ABCC12: variants seen among roughly 807,000 people sequenced by gnomAD.
ABCC12 encodes the protein ATP binding cassette subfamily C member 12.
ABCC12 carries 142 observed loss-of-function variants against 151.1 expected under a neutral mutation model. The observed-to-expected ratio is 0.94, with a 90% CI of 0.82 to 1.08. The LOEUF (loss-of-function observed/expected upper bound fraction) is 1.08, where lower values mean the gene tolerates loss of function less well. ABCC12 is among the 50% of genes least tolerant of loss of function. The probability of loss-of-function intolerance (pLI) is 0.00; values close to 1 mark genes in which losing one functional copy is unlikely to be tolerated. For synonymous variants in ABCC12, 645 were observed against 646.4 expected (o/e 1.00, Z 0.03); for missense variants, 1,638 against 1,691.1 (o/e 0.97, Z 0.55).
intron 18 of ABCC12, among the ~76,000 whole-genome samples, chr16:48,110,692 A>G (rs1476352503): frequency 1.3e-5 from 2 of 152,000 alleles, no homozygotes; most frequent in Non-Finnish European, 2.9e-5. Flanking sequence ...CCTTCTCACC[A>G]CAGTGTCCCC....
At chr16:48,117,192 C>A in intron 14 of ABCC12, 69 bp downstream of exon 14, 1 of 1,462,370 alleles carries the variant, frequency 6.8e-7, no homozygotes, top group Non-Finnish European at 9.3e-7. Flanking sequence ...TTGCTGGCCT[C>A]AGCCCTTTGG....
intron 18 of ABCC12, among the ~76,000 whole-genome samples, chr16:48,110,221 C>A (rs1041414110): frequency 1.3e-5 from 2 of 152,068 alleles, no homozygotes; most frequent in African/African-American, 4.8e-5. Context: ...CTCATCGATT[C>A]GAAGGCTCAC....
Position 48,128,702 on chromosome 16 carries a change from G to A in ABCC12, c.1272C>T (p.Ile424=). The A allele has an allele frequency of 6.2e-7, 1 of 1,613,980 alleles. No homozygotes were observed. Among genetic ancestry groups the A allele is most frequent in the Non-Finnish European group, 8.5e-7 (1 of 1,179,996 alleles). ...ILIDKSPPSY[I]TQPEDPDTVL... is the part of the protein sequence containing the mutation. ...CAGTATCTGGGTCTTCTGGTTGGGT[G>A]ATGTAAGATGGGGGGCTTTTATCTA... The change falls in exon 11 of 31, where the codon ATC becomes ATT. Residue 424 remains isoleucine (I), a synonymous_variant. Transcript: ENST00000311303.
intron 25 of ABCC12, among the ~76,000 whole-genome samples, chr16:48,089,715 T>C (rs1367601202): frequency 6.6e-6 from 1 of 152,226 alleles, no homozygotes; most frequent in African/African-American, 2.4e-5. Flanking sequence ...AAAAATATTT[T>C]AGAGAAATGA....
At chr16:48,143,111 A>T (rs1039965283) in intron 4 of ABCC12, among the ~76,000 whole-genome samples, 2 of 152,242 alleles carry the variant, frequency 1.3e-5, no homozygotes, top group African/African-American at 2.4e-5. Context: ...CATTAGGATC[A>T]ACCTAAATAT....
chr16:48,125,827 T>C (rs984167944), intron 11 of ABCC12, among the ~76,000 whole-genome samples: 3 of 152,080 alleles, frequency 2.0e-5, no homozygotes, highest in Non-Finnish European at 4.4e-5. Context: ...TTAAACAAGG[T>C]CTTTGCTGAA....
chr16:48,092,756 AT>A (rs1962953697), intron 24 of ABCC12, among the ~76,000 whole-genome samples: 1 of 152,154 alleles, frequency 6.6e-6, no homozygotes. Context: ...AAGCAGGTTG[AT>A]GTGGGAGAGG....
chr16:48,107,170 G>T, intron 20 of ABCC12, 152 bp downstream of exon 20: 1 of 741,990 alleles, frequency 1.3e-6, no homozygotes, highest in Admixed American at 2.2e-5. Context: ...TTTGGGTCCT[G>T]TGGTGTAAGC....
At chr16:48,126,156 G>A (rs1487575349) in intron 11 of ABCC12, among the ~76,000 whole-genome samples, 1 of 152,172 alleles carries the variant, frequency 6.6e-6, no homozygotes, top group Non-Finnish European at 1.5e-5. Context: ...AAATGAAGCT[G>A]AATCTATTTA....
At position 48,081,957 on chromosome 16, in the gene ABCC12, TG is replaced by T. The variant is rs1962360681; in HGVS notation, c.*1757del. Among the ~76,000 whole-genome samples the T allele has an allele frequency of 6.6e-6, 1 of 152,094 alleles. No homozygotes were observed. Among genetic ancestry groups the T allele is most frequent in the African/African-American group, 2.4e-5 (1 of 41,414 alleles). ...GCCAGCACAGACTGCCCAGTCTGCT[TG>T]TCATATTGGGGAAGTTATCTTATGT... is the stretch of plus-strand genomic sequence containing the variant. On this transcript the variant is annotated 3_prime_UTR_variant, in exon 31 of 31. Coordinates refer to ENST00000311303, the MANE Select transcript of ABCC12 (RefSeq NM_001393797.1).
At chr16:48,141,411 C>G in intron 4 of ABCC12, 58 bp from the exon 5 acceptor site, 1 of 1,598,050 alleles carries the variant, frequency 6.3e-7, no homozygotes. Context: ...CTGTTTGAAG[C>G]TACGCTGTTG....
Position 48,083,624 on chromosome 16 carries a change from T to G in ABCC12, c.*91A>C. ...GATGGGAGGGGCTGAAGACCAGGGC[T>G]GCCTGCGGAGAGGACAGCCCCTCCT... is the stretch of plus-strand genomic sequence containing the variant. On this transcript the variant is annotated 3_prime_UTR_variant, in exon 31 of 31. Transcript: ENST00000311303. 1 of 1,325,410 alleles carries G rather than the reference T, an allele frequency of 7.5e-7. No individual in the cohort carries two copies. The highest frequency in any genetic ancestry group is 2.0e-5 in the Admixed American group (1 of 49,756). The allele number at this position is 1,325,410 out of a possible 1,614,324, so 82.1% of individuals were successfully genotyped here.
chr16:48,095,507 C>T (rs1963065686), intron 24 of ABCC12, among the ~76,000 whole-genome samples: 1 of 151,978 alleles, frequency 6.6e-6, no homozygotes, highest in Non-Finnish European at 1.5e-5. Flanking sequence ...CTTTTAAAAA[C>T]TCAGAGAATA....
chr16:48,137,820 G>T (rs527270452), intron 8 of ABCC12, among the ~76,000 whole-genome samples: 1 of 152,180 alleles, frequency 6.6e-6, no homozygotes, highest in Non-Finnish European at 1.5e-5. Context: ...TGGACCATCC[G>T]AACACAAGGA....
chr16:48,141,389 C>A (rs1169076726), intron 4 of ABCC12, 36 bp from the exon 5 acceptor site: 2 of 1,612,036 alleles, frequency 1.2e-6, no homozygotes, highest in Non-Finnish European at 1.7e-6. Context: ...AATGGATTGG[C>A]ACTTCTATGT....
chr16:48,106,867 T>C (rs960526694), intron 20 of ABCC12, among the ~76,000 whole-genome samples: 2 of 152,234 alleles, frequency 1.3e-5, no homozygotes, highest in Admixed American at 6.5e-5. Flanking sequence ...AGCCTGAATC[T>C]GATGCTTGCC....
rs1250268791 is a variant in ABCC12 at position 48,084,030 on chromosome 16, G to C, written c.3872C>G (p.Thr1291Ser). The C allele has an allele frequency of 6.2e-7, 1 of 1,612,732 alleles. No homozygotes were observed. Among genetic ancestry groups the C allele is most frequent in the South Asian group, 1.1e-5 (1 of 90,470 alleles). Reference sequence around the variant, plus strand: ...GATGGTGTTCTGAACCAGGGTGTCAGTCTTGGAGTCCATAGAGGCGGTGGC... The same window carrying C: ...GATGGTGTTCTGAACCAGGGTGTCACTCTTGGAGTCCATAGAGGCGGTGGC... The part of the protein sequence containing the change: ...DEATASMDSK[T>S]DTLVQNTIKD... The change falls in exon 30 of 31, where the codon ACT becomes AGT. Residue 1291 changes from threonine (T) to serine (S), a missense_variant. Thr to Ser is a moderately conservative substitution (Grantham distance 58). Coordinates refer to ENST00000311303, the MANE Select transcript of ABCC12 (RefSeq NM_001393797.1).
At chr16:48,136,387 T>C (rs1964610555) in intron 8 of ABCC12, among the ~76,000 whole-genome samples, 1 of 152,054 alleles carries the variant, frequency 6.6e-6, no homozygotes, top group Admixed American at 6.5e-5. Flanking sequence ...CCCAGTGTGC[T>C]CCCCCATGGA....
intron 11 of ABCC12, among the ~76,000 whole-genome samples, chr16:48,127,795 C>T (rs924544318): frequency 5.3e-5 from 8 of 152,140 alleles, no homozygotes; most frequent in African/African-American, 1.4e-4. Flanking sequence ...AGCAGTGGTT[C>T]ATGCCTGTAA....
Sources: gnomAD v4.1 joint callset for allele counts (sites outside exome capture counted in the v4.1 genomes callset) on GRCh38, gnomAD v4.1.1 for gene constraint, MANE v1.5 for transcripts, NCBI Gene and HGNC (gene_info 2026-07-23, HGNC 2026-07-21) for gene names.